Variants in TTL observed in about 807,000 individuals in gnomAD.
The protein encoded by TTL is tubulin tyrosine ligase, also known as tubulin--tyrosine ligase.
In TTL, 10 loss-of-function variants were observed where a neutral mutation model predicts 41.1. The ratio of observed to expected loss-of-function variants is 0.24; its 90% CI spans 0.15 to 0.41. The LOEUF (loss-of-function observed/expected upper bound fraction) is 0.41. Among genes scored for constraint, TTL ranks in the 10% least tolerant of loss-of-function variants. The probability of loss-of-function intolerance (pLI) is 1.00; values close to 1 mark genes in which losing one functional copy is unlikely to be tolerated. For missense variants in TTL, 367 were observed against 460.4 expected (o/e 0.80, Z 1.86); for synonymous variants, 175 against 175.5 (o/e 1.00, Z 0.02).
chr2:112,526,919 G>A (rs780156499), intron 6 of TTL, among the ~76,000 whole-genome samples: 1 of 152,142 alleles, frequency 6.6e-6, no homozygotes, highest in Non-Finnish European at 1.5e-5. Context: ...TCTCTTGTGG[G>A]CATTTAGTGC....
chr2:112,502,813 A>T, intron 4 of TTL, 99 bp from the exon 5 acceptor site: 1 of 1,380,378 alleles, frequency 7.2e-7, no homozygotes, highest in East Asian at 2.3e-5. Context: ...CCCACTCCTT[A>T]CCTACCCCAT....
chr2:112,494,452 T>C (rs1681473131), intron 3 of TTL, 77 bp downstream of exon 3: 1 of 1,134,226 alleles, frequency 8.8e-7, no homozygotes, highest in African/African-American at 1.5e-5. Flanking sequence ...TGACCCTATT[T>C]TAATCTGAAT....
Position 112,540,293 on chromosome 2 carries a change from C to G in TTL, c.*11498C>G, listed in dbSNP as rs1682688431. On this transcript the variant is annotated 3_prime_UTR_variant, in exon 7 of 7. Transcript: ENST00000233336. ...TCTCTATTAAAAATACAAAATTAGC[C>G]AGGCATGGTGGTGCATGCCTGTAAT... 6.6e-6 allele frequency: 1 copy of G among 152,040 alleles called. No individual in the cohort carries two copies. The highest frequency in any genetic ancestry group is 1.5e-5 in the Non-Finnish European group (1 of 68,024). 9.4% of individuals were successfully genotyped at this position (152,040 alleles called of 1,614,324 possible).
intron 3 of TTL, among the ~76,000 whole-genome samples, chr2:112,499,258 G>C (rs1681623820): frequency 6.7e-6 from 1 of 150,036 alleles, no homozygotes; most frequent in Non-Finnish European, 1.5e-5. Context: ...AGGTTGCTGT[G>C]AGCCGAGATC....
intron 5 of TTL, among the ~76,000 whole-genome samples, chr2:112,512,871 A>T: frequency 6.8e-6 from 1 of 147,132 alleles, no homozygotes; most frequent in African/African-American, 2.5e-5. Flanking sequence ...TCTTTTTCCC[A>T]TCTTCTTTTT....
chr2:112,517,542 T>C (rs12465446), intron 5 of TTL, among the ~76,000 whole-genome samples: 61,825 of 151,496 alleles, frequency 0.41, 12,849 homozygotes, highest in East Asian at 0.58. Flanking sequence ...AGCCACTGTG[T>C]CCAGCCCCCA....
Position 112,530,938 on chromosome 2 carries a change from TCAA to T in TTL, c.*2144_*2146del. ...AATTTTTAAAATTTGATTTTAAATTTCAAATAAATTTAAATAAATTTTAAATAA... is the reference window on the plus strand; with the variant it reads ...AATTTTTAAAATTTGATTTTAAATTTATAAATTTAAATAAATTTTAAATAA... On this transcript the variant is annotated 3_prime_UTR_variant, in exon 7 of 7. Coordinates refer to ENST00000233336, the MANE Select transcript of TTL (RefSeq NM_153712.5). 1 of 177,232 alleles carries T rather than the reference TCAA, an allele frequency of 5.6e-6. No homozygotes were observed. The highest frequency in any genetic ancestry group is 2.4e-5 in the African/African-American group (1 of 42,254). 11.0% of individuals were successfully genotyped at this position (177,232 alleles called of 1,614,324 possible).
intron 3 of TTL, among the ~76,000 whole-genome samples, chr2:112,496,137 TCTC>T (rs531972670): frequency 9.1e-4 from 138 of 152,164 alleles, no homozygotes; most frequent in African/African-American, 3.2e-3. Flanking sequence ...AGACATCCCT[TCTC>T]CTGTGGGTTT....
Position 112,498,397 on chromosome 2 carries a change from C to T in TTL, c.470-2809C>T, listed in dbSNP as rs183288481. ...ATGTGATGCTTGGGTATAAATTTAA[C>T]AAGACATGTATAGGCTCTGTGTGCT... On this transcript the variant is annotated intron_variant, in intron 3 of 6. Transcript: ENST00000233336. Among the ~76,000 whole-genome samples, 154 of 151,886 alleles carry T rather than the reference C, an allele frequency of 1.0e-3. 1 individual carries two copies. In the Middle Eastern group the frequency reaches 0.021, roughly 20 times the overall value.
intron 5 of TTL, among the ~76,000 whole-genome samples, chr2:112,512,657 A>G (rs150515970): frequency 0.014 from 2,068 of 152,236 alleles, 22 homozygotes; most frequent in Non-Finnish European, 0.022. Context: ...TCAGCCTCCC[A>G]AAGTGCTGGG....
At chr2:112,501,454 G>C (rs1271313375) in intron 4 of TTL, 113 bp downstream of exon 4, 1 of 942,540 alleles carries the variant, frequency 1.1e-6, no homozygotes, top group East Asian at 3.0e-5. Flanking sequence ...TGTTTAATAT[G>C]TTACCAAAAT....
intron 5 of TTL, among the ~76,000 whole-genome samples, chr2:112,509,418 T>C (rs62157524): frequency 0.067 from 10,138 of 152,252 alleles, 587 homozygotes; most frequent in East Asian, 0.28. Flanking sequence ...CCCAGCCTCG[T>C]TGCTGCCTTG....
chr2:112,519,486 A>C (rs1045091688), intron 5 of TTL, among the ~76,000 whole-genome samples: 3 of 151,804 alleles, frequency 2.0e-5, no homozygotes, highest in Non-Finnish European at 4.4e-5. Context: ...TATAGCTCTT[A>C]AATCTTGTAA....
chr2:112,489,666 T>C (rs1037903019), intron 2 of TTL, among the ~76,000 whole-genome samples: 2 of 152,228 alleles, frequency 1.3e-5, no homozygotes, highest in African/African-American at 4.8e-5. Flanking sequence ...TTAACATTTT[T>C]TGCATACTGA....
chr2:112,523,480 G>A (rs1353316597), intron 6 of TTL, among the ~76,000 whole-genome samples: 5 of 151,150 alleles, frequency 3.3e-5, no homozygotes, highest in Admixed American at 2.0e-4. Context: ...CTGTCACTGG[G>A]GAGTCTTCCT....
At chr2:112,512,297 C>CT (rs1482997316) in intron 5 of TTL, among the ~76,000 whole-genome samples, 1 of 150,186 alleles carries the variant, frequency 6.7e-6, no homozygotes, top group Non-Finnish European at 1.5e-5. Context: ...GTGTCTCACT[C>CT]TGTCGCTCAG....
rs918009559 is a variant in TTL at position 112,534,659 on chromosome 2, C to G, written c.*5864C>G. 6.6e-6 allele frequency: 1 copy of G among 152,180 alleles called. No individual in the cohort carries two copies. Among genetic ancestry groups the G allele is most frequent in the Non-Finnish European group, 1.5e-5 (1 of 68,048 alleles). 9.4% of individuals were successfully genotyped at this position (152,180 alleles called of 1,614,324 possible). On this transcript the variant is annotated 3_prime_UTR_variant, in exon 7 of 7. Coordinates refer to ENST00000233336, the MANE Select transcript of TTL (RefSeq NM_153712.5). ...CCTGGGTGCATTTGTCAAAAAAAAT[C>G]AACAGCAATTGTTGAACATCTCAGC...
rs2104490868 is a variant in TTL at position 112,540,793 on chromosome 2, A to G, written c.*11998A>G. On this transcript the variant is annotated 3_prime_UTR_variant, in exon 7 of 7. Transcript: ENST00000233336. ...ACTGGATATCCACATGCAAAGGAAT[A>G]AAGTGATATGCCTTTCTCACACCAT... 1 of 152,380 alleles carries G rather than the reference A, an allele frequency of 6.6e-6. No homozygotes were observed. The allele number at this position is 152,380 out of a possible 1,614,324, so 9.4% of individuals were successfully genotyped here. A position where few individuals can be genotyped will look rare whatever the true frequency, so the allele number is the denominator to read the frequency against.
chr2:112,520,244 A>G, intron 5 of TTL, 38 bp from the exon 6 acceptor site: 1 of 1,608,638 alleles, frequency 6.2e-7, no homozygotes, highest in Non-Finnish European at 8.5e-7. Context: ...TCCTTTGACC[A>G]CCCCGTTCTA....
Sources: allele counts gnomAD v4.1 joint callset (sites outside exome capture counted in the v4.1 genomes callset), GRCh38; gene constraint gnomAD v4.1.1; transcripts MANE v1.5; gene names NCBI Gene and HGNC (gene_info 2026-07-23, HGNC 2026-07-21).